Variants in GADL1 observed in about 807,000 individuals in gnomAD.
GADL1 encodes the protein acidic amino acid decarboxylase GADL1.
In GADL1, 71 loss-of-function variants were observed where a neutral mutation model predicts 69.5. The observed-to-expected ratio is 1.02, with a 90% confidence interval of 0.84 to 1.25. GADL1 has a LOEUF of 1.25. Among genes scored for constraint, GADL1 ranks in the 50% most tolerant of loss-of-function variants. The pLI, the probability that GADL1 is intolerant of heterozygous loss-of-function variation, is 0.00. For missense variants in GADL1, 737 were observed against 631.8 expected (o/e 1.17, Z -1.79); for synonymous variants, 254 against 214.4 (o/e 1.18, Z -1.62).
At chr3:30,781,050 C>A (rs533310372) in intron 13 of GADL1, among the ~76,000 whole-genome samples, 12 of 152,242 alleles carry the variant, frequency 7.9e-5, no homozygotes, top group African/African-American at 2.2e-4. Flanking sequence ...AGTCTGACTT[C>A]TTGGGTGTCC....
intron 1 of GADL1, among the ~76,000 whole-genome samples, chr3:30,884,726 C>G (rs1004707578): frequency 7.2e-5 from 11 of 151,984 alleles, no homozygotes; most frequent in African/African-American, 2.7e-4. Context: ...TATATTTAAA[C>G]TAATCTTTAT....
intron 14 of GADL1, among the ~76,000 whole-genome samples, chr3:30,771,190 C>T (rs1466482779): frequency 6.6e-6 from 1 of 152,154 alleles, no homozygotes; most frequent in Non-Finnish European, 1.5e-5. Flanking sequence ...TATTCCCTGC[C>T]CTTCAGCTGA....
intron 9 of GADL1, 40 bp from the exon 10 acceptor site, chr3:30,834,321 A>T: frequency 6.5e-7 from 1 of 1,546,210 alleles, no homozygotes; most frequent in Non-Finnish European, 8.9e-7. Context: ...TGTTATTTCA[A>T]TGTTATTTGT....
rs1306706192 is a variant in GADL1 at position 30,726,951 on chromosome 3, T to C, written c.*1291A>G. ...ATATAAACCACTTAATAATCTATAC[T>C]GACATTTCAAAGCTTAGGAAAGGGA... On this transcript the variant is annotated 3_prime_UTR_variant, in exon 15 of 15. Coordinates refer to ENST00000282538, the MANE Select transcript of GADL1 (RefSeq NM_207359.3). The C allele has an allele frequency of 6.6e-6, 1 of 152,440 alleles. No homozygotes were observed. Among genetic ancestry groups the C allele is most frequent in the Non-Finnish European group, 1.5e-5 (1 of 67,994 alleles). 9.4% of individuals were successfully genotyped at this position (152,440 alleles called of 1,614,324 possible).
At chr3:30,769,422 CAAAGAGGGA>C (rs1306398317) in intron 14 of GADL1, among the ~76,000 whole-genome samples, 12 of 152,122 alleles carry the variant, frequency 7.9e-5, no homozygotes, top group South Asian at 2.1e-4. Context: ...TTAGGTTACG[CAAAGAGGGA>C]AGCTGAGGAT....
chr3:30,847,301 C>A (rs1698074835), intron 6 of GADL1, among the ~76,000 whole-genome samples: 1 of 151,916 alleles, frequency 6.6e-6, no homozygotes, highest in Admixed American at 6.6e-5. Context: ...GCAAAAACAC[C>A]TTCAGTGGTG....
intron 14 of GADL1, among the ~76,000 whole-genome samples, chr3:30,772,991 C>A (rs1249551243): frequency 6.7e-6 from 1 of 150,282 alleles, no homozygotes; most frequent in Non-Finnish European, 1.5e-5. Flanking sequence ...AAACTTAAAA[C>A]CAATGCAGAT....
chr3:30,842,403 G>A (rs1015938811), intron 8 of GADL1, among the ~76,000 whole-genome samples: 1 of 152,134 alleles, frequency 6.6e-6, no homozygotes, highest in Non-Finnish European at 1.5e-5. Context: ...ATAGGAGCAT[G>A]AGCCTAATGA....
intron 2 of GADL1, among the ~76,000 whole-genome samples, 198 bp from the exon 3 acceptor site, chr3:30,857,339 A>G (rs1698244999): frequency 1.3e-5 from 2 of 152,072 alleles, no homozygotes; most frequent in Non-Finnish European, 2.9e-5. Flanking sequence ...TTAGATTTGC[A>G]AGGTAAAGGG....
intron 14 of GADL1, among the ~76,000 whole-genome samples, chr3:30,761,093 T>G (rs1432922975): frequency 6.6e-6 from 1 of 152,244 alleles, no homozygotes; most frequent in Non-Finnish European, 1.5e-5. Context: ...GGGTTTCATA[T>G]AGGCATTTAA....
At chr3:30,869,391 G>A (rs938697460) in intron 1 of GADL1, among the ~76,000 whole-genome samples, 1 of 151,746 alleles carries the variant, frequency 6.6e-6, no homozygotes, top group African/African-American at 2.4e-5. Flanking sequence ...GATGACTATG[G>A]GAAATATTAA....
intron 11 of GADL1, among the ~76,000 whole-genome samples, chr3:30,818,839 G>A (rs1575219712): frequency 6.6e-6 from 1 of 152,080 alleles, no homozygotes; most frequent in East Asian, 1.9e-4. Context: ...TCCCAAGATG[G>A]TCTTCCCACC....
chr3:30,795,755 A>G (rs1055154924), intron 12 of GADL1, among the ~76,000 whole-genome samples: 2 of 152,190 alleles, frequency 1.3e-5, no homozygotes, highest in African/African-American at 4.8e-5. Context: ...TTCATACCAA[A>G]TTACATGCCT....
chr3:30,800,767 T>C, intron 12 of GADL1, 122 bp downstream of exon 12: 3 of 765,646 alleles, frequency 3.9e-6, no homozygotes, highest in South Asian at 3.4e-5. Flanking sequence ...ACATTTCAAG[T>C]ATTACTTTCC....
rs1696841941 is a variant in GADL1 at position 30,788,325 on chromosome 3, T to A, written c.1251-1919A>T. Reference sequence around the variant, plus strand: ...TGCTGCAGGAAAGTTCCTCAGTGTATATAAAGGTTACATTTACAGTATACT... The same window carrying A: ...TGCTGCAGGAAAGTTCCTCAGTGTAAATAAAGGTTACATTTACAGTATACT... On this transcript the variant is annotated intron_variant, in intron 12 of 14. Transcript: ENST00000282538. Among the ~76,000 whole-genome samples, 2 of 152,240 alleles carry A rather than the reference T, an allele frequency of 1.3e-5. 1 individual carries two copies. Among genetic ancestry groups the A allele is most frequent in the South Asian group, 4.1e-4 (2 of 4,834 alleles).
chr3:30,855,640 A>C (rs1376532325), intron 3 of GADL1, among the ~76,000 whole-genome samples: 1 of 152,010 alleles, frequency 6.6e-6, no homozygotes, highest in Non-Finnish European at 1.5e-5. Context: ...GGTCTCATAA[A>C]GGTTCTTGGC....
At chr3:30,754,924 A>ATTTAGT (rs1695932471) in intron 14 of GADL1, among the ~76,000 whole-genome samples, 1 of 152,204 alleles carries the variant, frequency 6.6e-6, no homozygotes, top group East Asian at 1.9e-4. Flanking sequence ...ACTTGATAAT[A>ATTTAGT]AATGGTCAAA....
intron 12 of GADL1, among the ~76,000 whole-genome samples, chr3:30,789,339 A>G (rs1441690284): frequency 6.6e-6 from 1 of 152,218 alleles, no homozygotes; most frequent in Non-Finnish European, 1.5e-5. Flanking sequence ...TCAAGTCTCA[A>G]CAGTGGGCTT....
intron 9 of GADL1, among the ~76,000 whole-genome samples, chr3:30,837,873 C>G (rs189168706): frequency 6.6e-6 from 1 of 152,064 alleles, no homozygotes; most frequent in Non-Finnish European, 1.5e-5. Flanking sequence ...TAACGAGTCA[C>G]GGATAATCTA....
Sources: gnomAD v4.1 joint callset for allele counts (sites outside exome capture counted in the v4.1 genomes callset) on GRCh38, gnomAD v4.1.1 for gene constraint, MANE v1.5 for transcripts, NCBI Gene and HGNC (gene_info 2026-07-23, HGNC 2026-07-21) for gene names.